Variants in SPOPL observed in about 807,000 individuals in gnomAD.
SPOPL encodes speckle type BTB/POZ protein like.
Under a neutral mutation model 53.8 loss-of-function variants are expected in SPOPL, and 23 were observed. The ratio of observed to expected loss-of-function variants is 0.43; its 90% CI spans 0.31 to 0.61. The LOEUF (loss-of-function observed/expected upper bound fraction) is 0.61, where lower values mean the gene tolerates loss of function less well. Among genes scored for constraint, SPOPL ranks in the 20% least tolerant of loss-of-function variants. SPOPL has a pLI of 0.12. For missense variants in SPOPL, 442 were observed against 466.9 expected (o/e 0.95, Z 0.49); for synonymous variants, 164 against 149.7 (o/e 1.10, Z -0.70).
intron 1 of SPOPL, among the ~76,000 whole-genome samples, chr2:138,539,347 C>G (rs1685010833): frequency 6.6e-6 from 1 of 152,184 alleles, no homozygotes; most frequent in Admixed American, 6.5e-5. Flanking sequence ...AATGGTTGAA[C>G]TAGTTTACAG....
intron 1 of SPOPL, among the ~76,000 whole-genome samples, chr2:138,529,093 A>G (rs1684743688): frequency 6.6e-6 from 1 of 152,230 alleles, no homozygotes; most frequent in Non-Finnish European, 1.5e-5. Context: ...TGTGAAGCAG[A>G]TTATTATAAA....
At chr2:138,521,727 C>T (rs1376157378) in intron 1 of SPOPL, among the ~76,000 whole-genome samples, 3 of 152,088 alleles carry the variant, frequency 2.0e-5, no homozygotes, top group Non-Finnish European at 4.4e-5. Context: ...GTAAACTTTT[C>T]ATGTATCTAT....
chr2:138,531,826 G>T (rs1270300754), intron 1 of SPOPL, among the ~76,000 whole-genome samples: 1 of 151,596 alleles, frequency 6.6e-6, no homozygotes, highest in African/African-American at 2.4e-5. Context: ...ATAAGCGTCT[G>T]TTTTTTGGCA....
At chr2:138,542,809 T>A (rs1016198463) in intron 1 of SPOPL, among the ~76,000 whole-genome samples, 3 of 152,204 alleles carry the variant, frequency 2.0e-5, no homozygotes, top group South Asian at 2.1e-4. Flanking sequence ...GCTCTTTAGT[T>A]GATGCAGTTT....
At chr2:138,545,996 A>G (rs1685187028) in intron 1 of SPOPL, among the ~76,000 whole-genome samples, 1 of 152,170 alleles carries the variant, frequency 6.6e-6, no homozygotes, top group Non-Finnish European at 1.5e-5. Flanking sequence ...CTTCTGGTAA[A>G]GAGAGGAAAC....
At chr2:138,524,926 C>A (rs977750186) in intron 1 of SPOPL, among the ~76,000 whole-genome samples, 1 of 151,782 alleles carries the variant, frequency 6.6e-6, no homozygotes, top group Non-Finnish European at 1.5e-5. Flanking sequence ...CAAATTCCCA[C>A]ATTTTCCTGC....
intron 1 of SPOPL, among the ~76,000 whole-genome samples, chr2:138,506,904 A>C (rs1558859197): frequency 6.6e-6 from 1 of 152,174 alleles, no homozygotes; most frequent in South Asian, 2.1e-4. Flanking sequence ...AAGCCCTATG[A>C]ATCTTTCACA....
intron 1 of SPOPL, among the ~76,000 whole-genome samples, chr2:138,511,344 A>C (rs886478275): frequency 6.6e-6 from 1 of 152,166 alleles, no homozygotes; most frequent in Admixed American, 6.5e-5. Flanking sequence ...TTTTCTTAAG[A>C]GGGTATACCA....
At position 138,569,123 on chromosome 2, in the gene SPOPL, C is replaced by G. The variant is rs763115843; in HGVS notation, c.*43C>G. ...TGAAAAATGGAATTGACTTTCACTC[C>G]TCCAGGTCCAGAAGGATTCTAATAC... On this transcript the variant is annotated 3_prime_UTR_variant, in exon 11 of 11. Transcript: ENST00000280098. The G allele has an allele frequency of 6.3e-7, 1 of 1,598,638 alleles. No homozygotes were observed. The highest frequency in any genetic ancestry group is 1.1e-5 in the South Asian group (1 of 89,352).
chr2:138,505,303 A>T (rs961140520), intron 1 of SPOPL, among the ~76,000 whole-genome samples: 1 of 152,186 alleles, frequency 6.6e-6, no homozygotes, highest in African/African-American at 2.4e-5. Context: ...AGGCATTTAC[A>T]TTTAGTGGTC....
chr2:138,509,867 A>G (rs1224227201), intron 1 of SPOPL, among the ~76,000 whole-genome samples: 1 of 152,166 alleles, frequency 6.6e-6, no homozygotes, highest in Non-Finnish European at 1.5e-5. Flanking sequence ...ATCTACCATT[A>G]TGATGTCTTT....
chr2:138,560,137 C>T (rs562600002), intron 7 of SPOPL, among the ~76,000 whole-genome samples: 1 of 152,176 alleles, frequency 6.6e-6, no homozygotes, highest in Non-Finnish European at 1.5e-5. Context: ...TACAAAAACA[C>T]GCAGTAAAAA....
At chr2:138,546,869 C>G (rs1685207177) in intron 1 of SPOPL, among the ~76,000 whole-genome samples, 1 of 152,232 alleles carries the variant, frequency 6.6e-6, no homozygotes, top group East Asian at 1.9e-4. Flanking sequence ...CTCAGATTCT[C>G]CATACCTTTA....
At chr2:138,511,489 C>G (rs759853626) in intron 1 of SPOPL, among the ~76,000 whole-genome samples, 1 of 152,140 alleles carries the variant, frequency 6.6e-6, no homozygotes, top group Non-Finnish European at 1.5e-5. Flanking sequence ...GTCAGACAGA[C>G]ACTGTGTTGA....
chr2:138,537,961 C>G (rs985329410), intron 1 of SPOPL, among the ~76,000 whole-genome samples: 3 of 152,068 alleles, frequency 2.0e-5, no homozygotes, highest in African/African-American at 7.3e-5. Context: ...TTATGGGGGT[C>G]TGTTCACATT....
chr2:138,552,572 G>C lies in SPOPL; in HGVS notation c.371G>C (p.Arg124Pro), dbSNP rs757299951. The change falls in exon 5 of 11, where the codon CGA becomes CCA. Residue 124 changes from arginine to proline, a missense_variant. Physicochemically the swap from Arg to Pro is moderately radical, Grantham distance 103 (BLOSUM62 -2). Coordinates refer to ENST00000280098, the MANE Select transcript of SPOPL (RefSeq NM_001001664.3). ...CCACCAGAAAGCCAAAGAGCATATC[G>C]ATTTGTGCAAGGGAAGGACTGGGGT... ...TKAMESQRAYRFVQGKDWGFK... is the reference protein window; with the variant it reads ...TKAMESQRAYPFVQGKDWGFK... 4 of 1,611,180 alleles carry C rather than the reference G, an allele frequency of 2.5e-6. No individual in the cohort carries two copies. In the African/African-American group the frequency reaches 4.0e-5, roughly 16 times the overall value.
At chr2:138,516,621 A>G (rs1684442994) in intron 1 of SPOPL, among the ~76,000 whole-genome samples, 1 of 152,190 alleles carries the variant, frequency 6.6e-6, no homozygotes, top group Admixed American at 6.5e-5. Context: ...GGAGACAAGT[A>G]CTGATGAAGT....
intron 10 of SPOPL, among the ~76,000 whole-genome samples, chr2:138,565,470 T>C (rs1226276308): frequency 1.3e-5 from 2 of 152,210 alleles, no homozygotes; most frequent in African/African-American, 4.8e-5. Context: ...CAATTTGATA[T>C]TCCCTTTTCC....
intron 1 of SPOPL, among the ~76,000 whole-genome samples, chr2:138,514,661 C>T (rs899769433): frequency 1.1e-4 from 16 of 152,104 alleles, no homozygotes; most frequent in African/African-American, 3.4e-4. Context: ...TGTAAAATAT[C>T]CTTGTATTCC....
Sources: gnomAD v4.1 joint callset for allele counts (sites outside exome capture counted in the v4.1 genomes callset) on GRCh38, gnomAD v4.1.1 for gene constraint, MANE v1.5 for transcripts, NCBI Gene and HGNC (gene_info 2026-07-23, HGNC 2026-07-21) for gene names.